KLHL1: variants seen among roughly 807,000 people sequenced by gnomAD.
The protein encoded by KLHL1 is kelch-like protein 1.
In KLHL1, 47 loss-of-function variants were observed where a neutral mutation model predicts 77.7. The ratio of observed to expected loss-of-function variants is 0.60; its 90% CI spans 0.48 to 0.77. The LOEUF (loss-of-function observed/expected upper bound fraction) is 0.77, where lower values mean the gene tolerates loss of function less well. Among genes scored for constraint, KLHL1 ranks in the 30% least tolerant of loss-of-function variants. The probability of loss-of-function intolerance (pLI) is 0.00; values close to 1 mark genes in which losing one functional copy is unlikely to be tolerated. For missense variants in KLHL1, 925 were observed against 910.8 expected (o/e 1.02, Z -0.20); for synonymous variants, 360 against 325.2 (o/e 1.11, Z -1.15).
intron 1 of KLHL1, among the ~76,000 whole-genome samples, chr13:70,038,581 A>ATTTT (rs55885952): frequency 0.063 from 4,590 of 72,964 alleles, 391 homozygotes; most frequent in East Asian, 0.26. Flanking sequence ...ATTGTCATTA[A>ATTTT]TTTTTTTTTT....
chr13:70,028,552 G>A (rs996407381), intron 1 of KLHL1, among the ~76,000 whole-genome samples: 1 of 152,102 alleles, frequency 6.6e-6, no homozygotes, highest in African/African-American at 2.4e-5. Flanking sequence ...TGGTCATAAG[G>A]AATGAATATT....
At chr13:70,068,328 G>A (rs898449596) in intron 1 of KLHL1, among the ~76,000 whole-genome samples, 12 of 150,160 alleles carry the variant, frequency 8.0e-5, no homozygotes, top group African/African-American at 2.2e-4. Context: ...GCGACAGAGC[G>A]AGACTCCGTC....
At chr13:69,765,844 G>A (rs1037290590) in intron 7 of KLHL1, among the ~76,000 whole-genome samples, 3 of 152,172 alleles carry the variant, frequency 2.0e-5, no homozygotes, top group Admixed American at 2.0e-4. Context: ...TGCTCTAAGG[G>A]CTTTCAGCTG....
intron 6 of KLHL1, among the ~76,000 whole-genome samples, chr13:69,818,166 C>T (rs1399319577): frequency 6.6e-6 from 1 of 151,058 alleles, no homozygotes; most frequent in Non-Finnish European, 1.5e-5. Flanking sequence ...GTCCCTTGTC[C>T]AAACACTCAC....
At chr13:70,077,158 G>T (rs532894328) in intron 1 of KLHL1, among the ~76,000 whole-genome samples, 1 of 152,038 alleles carries the variant, frequency 6.6e-6, no homozygotes, top group East Asian at 1.9e-4. Context: ...ATGGATTCAT[G>T]CACATTTTTG....
chr13:70,028,979 T>TA (rs5804464), intron 1 of KLHL1, among the ~76,000 whole-genome samples: 30,052 of 146,840 alleles, frequency 0.2, 3,491 homozygotes, highest in East Asian at 0.53. Context: ...GAAAACTTGT[T>TA]AAAAAAAAAA....
At chr13:69,884,631 A>G (rs1177161803) in intron 4 of KLHL1, among the ~76,000 whole-genome samples, 2 of 152,138 alleles carry the variant, frequency 1.3e-5, no homozygotes, top group Non-Finnish European at 2.9e-5. Context: ...TGTCATAAAG[A>G]TACTGTTCAA....
chr13:70,052,978 A>G (rs1404915587), intron 1 of KLHL1, among the ~76,000 whole-genome samples: 1 of 152,068 alleles, frequency 6.6e-6, no homozygotes, highest in Non-Finnish European at 1.5e-5. Context: ...GTGGGAAAAA[A>G]CAGATAAGTA....
rs1878797206 is a variant in KLHL1, at chr13:69,832,432, A to G, written c.1414+6544T>C. 2.0e-5 allele frequency among the ~76,000 whole-genome samples: 3 copies of G among 150,020 alleles called. No individual in the cohort carries two copies. In the Admixed American group the frequency reaches 2.0e-4, roughly 10 times the overall value. On this transcript the variant is annotated intron_variant, in intron 6 of 10. Coordinates refer to ENST00000377844, the MANE Select transcript of KLHL1 (RefSeq NM_020866.3). ...GACTCTGCATGGAAAACTACAAAAC[A>G]CTGCTGAAAGAAATCATTGATGACA...
intron 2 of KLHL1, among the ~76,000 whole-genome samples, chr13:69,967,597 A>G (rs1456925955): frequency 6.6e-6 from 1 of 152,210 alleles, no homozygotes; most frequent in Non-Finnish European, 1.5e-5. Context: ...TTAGAATATT[A>G]CACAACCTGG....
At chr13:69,773,311 G>A (rs1875666234) in intron 7 of KLHL1, among the ~76,000 whole-genome samples, 1 of 151,860 alleles carries the variant, frequency 6.6e-6, no homozygotes, top group African/African-American at 2.4e-5. Context: ...GCTCTTATTT[G>A]CATATGAAAA....
At chr13:69,709,590 C>A (rs1438459821) in intron 9 of KLHL1, among the ~76,000 whole-genome samples, 1 of 151,922 alleles carries the variant, frequency 6.6e-6, no homozygotes, top group East Asian at 1.9e-4. Flanking sequence ...CCAAGCATTA[C>A]CTTTTAATAA....
intron 7 of KLHL1, among the ~76,000 whole-genome samples, chr13:69,782,730 G>T (rs529402219): frequency 1.3e-5 from 2 of 152,202 alleles, no homozygotes; most frequent in Admixed American, 1.3e-4. Context: ...CTCCACCTCT[G>T]GGGGCAGGGC....
chr13:70,028,689 T>C (rs958816719), intron 1 of KLHL1, among the ~76,000 whole-genome samples: 4 of 152,062 alleles, frequency 2.6e-5, no homozygotes, highest in Non-Finnish European at 5.9e-5. Flanking sequence ...TCAAGGAATA[T>C]TCATAGGCCG....
At chr13:70,006,574 C>T (rs78221819) in intron 1 of KLHL1, among the ~76,000 whole-genome samples, 10,215 of 150,188 alleles carry the variant, frequency 0.068, 490 homozygotes, top group Non-Finnish European at 0.1. Flanking sequence ...GTAGACTCCA[C>T]CAGTGAAGCC....
chr13:69,745,765 T>C (rs9599505), intron 7 of KLHL1, among the ~76,000 whole-genome samples: 1 of 151,706 alleles, frequency 6.6e-6, no homozygotes, highest in Non-Finnish European at 1.5e-5. Flanking sequence ...AAAATACTTG[T>C]TCTAAATTTT....
At chr13:69,854,799 C>T (rs1013799423) in intron 5 of KLHL1, among the ~76,000 whole-genome samples, 33 of 151,898 alleles carry the variant, frequency 2.2e-4, no homozygotes, top group African/African-American at 7.5e-4. Context: ...CCATTTTTAC[C>T]ACAAAACACT....
rs1237100844 is a variant in KLHL1, at chr13:69,901,787, C to CTTTTTTTTTTTTTTTT, written c.1015-19293_1015-19292insAAAAAAAAAAAAAAAA. On this transcript the variant is annotated intron_variant, in intron 4 of 10. Coordinates refer to ENST00000377844, the MANE Select transcript of KLHL1 (RefSeq NM_020866.3). ...TGAGTTTTTCATTTTCTTTCTTTTT[C>CTTTTTTTTTTTTTTTT]TTTTTTTCTTTTTTTTTTTTTTTTT... is the stretch of plus-strand genomic sequence containing the variant. Among the ~76,000 whole-genome samples, 7 of 80,144 alleles carry CTTTTTTTTTTTTTTTT rather than the reference C, an allele frequency of 8.7e-5. 1 individual carries two copies. Among genetic ancestry groups the CTTTTTTTTTTTTTTTT allele is most frequent in the African/African-American group, 1.2e-4 (3 of 25,478 alleles). 52.6% of individuals were successfully genotyped at this position (80,144 alleles called of 152,430 possible). A position where few individuals can be genotyped will look rare whatever the true frequency, so the allele number is the denominator to read the frequency against.
chr13:70,087,280 T>C (rs1887565823), intron 1 of KLHL1, among the ~76,000 whole-genome samples: 1 of 152,274 alleles, frequency 6.6e-6, no homozygotes, highest in African/African-American at 2.4e-5. Flanking sequence ...TGAAAAAATA[T>C]AGTAAATTTG....
Sources: gnomAD v4.1 joint callset for allele counts (sites outside exome capture counted in the v4.1 genomes callset) on GRCh38, gnomAD v4.1.1 for gene constraint, MANE v1.5 for transcripts, NCBI Gene and HGNC (gene_info 2026-07-23, HGNC 2026-07-21) for gene names.